Variants in TLK1 observed in about 807,000 individuals in gnomAD.
TLK1 encodes tousled like kinase 1.
Under a neutral mutation model 105.3 loss-of-function variants are expected in TLK1, and 24 were observed. The observed-to-expected ratio is 0.23, with a 90% CI of 0.17 to 0.32. The LOEUF (loss-of-function observed/expected upper bound fraction) is 0.32, where lower values mean the gene tolerates loss of function less well. Among genes scored for constraint, TLK1 ranks in the 10% least tolerant of loss-of-function variants. The probability of loss-of-function intolerance (pLI) is 1.00; values close to 1 mark genes in which losing one functional copy is unlikely to be tolerated. For missense variants in TLK1, 558 were observed against 910.5 expected, an observed-to-expected ratio of 0.61 and a Z score of 4.98; for synonymous variants, 321 against 310.4, an observed-to-expected ratio of 1.03 and a Z score of -0.36.
chr2:171,022,599 T>G (rs1391109832), intron 12 of TLK1, among the ~76,000 whole-genome samples: 1 of 152,176 alleles, frequency 6.6e-6, no homozygotes, highest in African/African-American at 2.4e-5. Context: ...TACAATGTAG[T>G]TGGCTTTAAT....
intron 3 of TLK1, among the ~76,000 whole-genome samples, chr2:171,079,043 T>C (rs1020210611): frequency 1.4e-4 from 21 of 152,292 alleles, no homozygotes; most frequent in African/African-American, 4.3e-4. Context: ...TACCAGAAGT[T>C]TGAAAACCAG....
chr2:171,063,260 C>T (rs193258775), intron 3 of TLK1, among the ~76,000 whole-genome samples: 3 of 152,104 alleles, frequency 2.0e-5, no homozygotes, highest in Admixed American at 6.5e-5. Flanking sequence ...GCACAAGACT[C>T]GCTTGAACAC....
intron 1 of TLK1, among the ~76,000 whole-genome samples, chr2:171,219,763 G>A (rs1468896144): frequency 6.6e-6 from 1 of 152,082 alleles, no homozygotes; most frequent in Non-Finnish European, 1.5e-5. Flanking sequence ...ACCACATCTG[G>A]CTAATTTTTG....
chr2:171,115,219 T>G (rs1690365011), intron 2 of TLK1, among the ~76,000 whole-genome samples: 1 of 140,816 alleles, frequency 7.1e-6, no homozygotes, highest in Non-Finnish European at 1.5e-5. Flanking sequence ...TTGCCCAGGC[T>G]GGAGTGCAAT....
intron 1 of TLK1, among the ~76,000 whole-genome samples, chr2:171,130,027 A>C (rs749450423): frequency 6.6e-6 from 1 of 152,216 alleles, no homozygotes; most frequent in Admixed American, 6.5e-5. Context: ...GCCAGCTGTA[A>C]GGTTAAGAAC....
intron 20 of TLK1, among the ~76,000 whole-genome samples, chr2:170,994,473 T>C (rs1575492905): frequency 6.6e-6 from 1 of 151,124 alleles, no homozygotes; most frequent in African/African-American, 2.4e-5. Context: ...ATAAACAGAA[T>C]ATAATCACTA....
chr2:171,136,789 T>C (rs1337587256), intron 1 of TLK1, among the ~76,000 whole-genome samples: 6 of 152,194 alleles, frequency 3.9e-5, no homozygotes, highest in Non-Finnish European at 5.9e-5. Flanking sequence ...ACTAGAAGGG[T>C]TGAACTTCCT....
rs1037113049 is a variant in TLK1 at position 171,160,157 on chromosome 2, T to A, written c.139+133A>T. On this transcript the variant is annotated intron_variant, in intron 1 of 20. Transcript: ENST00000431350. The surrounding 1 kb of genome is among the most constrained non-coding windows in gnomAD (Gnocchi z 4.4). ...AGCCGGGGAGCCGGGCGGCCTCGCG[T>A]CCACCTCGCCACCATCCCCCACCCC... 5.2e-5 allele frequency: 53 copies of A among 1,027,094 alleles called. No individual in the cohort carries two copies. Among genetic ancestry groups the A allele is most frequent in the Non-Finnish European group, 6.1e-5 (49 of 809,122 alleles). The allele number at this position is 1,027,094 out of a possible 1,614,324, so 63.6% of individuals were successfully genotyped here. A position where few individuals can be genotyped will look rare whatever the true frequency, so the allele number is the denominator to read the frequency against.
intron 3 of TLK1, among the ~76,000 whole-genome samples, chr2:171,074,697 G>A (rs1023327161): frequency 2.6e-5 from 4 of 151,640 alleles, no homozygotes; most frequent in African/African-American, 9.7e-5. Context: ...AAGATTTCTG[G>A]TAAGAACAAA....
At chr2:171,194,681 G>T (rs570898834) in intron 1 of TLK1, among the ~76,000 whole-genome samples, 2 of 150,566 alleles carry the variant, frequency 1.3e-5, no homozygotes, top group Non-Finnish European at 2.9e-5. Context: ...GCCGGGCGTG[G>T]TAGCGGGCGC....
intron 11 of TLK1, among the ~76,000 whole-genome samples, chr2:171,040,305 A>T (rs1686599458): frequency 6.6e-6 from 1 of 152,208 alleles, no homozygotes; most frequent in African/African-American, 2.4e-5. Flanking sequence ...AGAATGTACA[A>T]CATCAACAGT....
intron 1 of TLK1, among the ~76,000 whole-genome samples, chr2:171,146,733 C>T (rs909246632): frequency 6.6e-6 from 1 of 152,194 alleles, no homozygotes; most frequent in African/African-American, 2.4e-5. Flanking sequence ...GTGTAACTCC[C>T]TTCTGTAGGG....
intron 1 of TLK1, among the ~76,000 whole-genome samples, chr2:171,143,715 A>G: frequency 6.6e-6 from 1 of 152,112 alleles, no homozygotes; most frequent in African/African-American, 2.4e-5. Flanking sequence ...TAAAATGATT[A>G]AAGAAATTAA....
intron 5 of TLK1, among the ~76,000 whole-genome samples, chr2:171,057,120 T>C (rs1687538632): frequency 6.6e-6 from 1 of 152,046 alleles, no homozygotes; most frequent in African/African-American, 2.4e-5. Flanking sequence ...GTGCATGACT[T>C]AGCTGCATAT....
At chr2:171,054,857 C>A in intron 7 of TLK1, 1 of 312,222 alleles carries the variant, frequency 3.2e-6, no homozygotes, top group East Asian at 5.4e-5. Flanking sequence ...AATCAGTAAA[C>A]AGAACTGACA....
chr2:171,040,447 G>C (rs1188870557), intron 11 of TLK1, among the ~76,000 whole-genome samples: 3 of 151,860 alleles, frequency 2.0e-5, no homozygotes, highest in African/African-American at 7.3e-5. Flanking sequence ...TAGGAACTCT[G>C]TACTTTCTGC....
At chr2:171,124,556 C>T (rs1157865691) in intron 1 of TLK1, among the ~76,000 whole-genome samples, 1 of 152,200 alleles carries the variant, frequency 6.6e-6, no homozygotes, top group Admixed American at 6.5e-5. Flanking sequence ...AAAGAGCAAA[C>T]TGACTTCACA....
chr2:171,162,144 C>A (rs188603231), upstream of TLK1, among the ~76,000 whole-genome samples: 1 of 152,208 alleles, frequency 6.6e-6, no homozygotes, highest in Admixed American at 6.5e-5. Flanking sequence ...TTAGATACTT[C>A]AGTGAGTTTT....
At chr2:171,075,385 C>CTTAA (rs1688454357) in intron 3 of TLK1, among the ~76,000 whole-genome samples, 1 of 152,054 alleles carries the variant, frequency 6.6e-6, no homozygotes, top group African/African-American at 2.4e-5. Context: ...TGGATAAAGG[C>CTTAA]TTAAGACTTG....
Sources: allele counts gnomAD v4.1 joint callset (sites outside exome capture counted in the v4.1 genomes callset), GRCh38; gene constraint gnomAD v4.1.1; non-coding constraint Gnocchi (gnomAD v3.1); transcripts MANE v1.5; gene names NCBI Gene and HGNC (gene_info 2026-07-23, HGNC 2026-07-21).